FAM9A: variants seen among roughly 807,000 people sequenced by gnomAD.
FAM9A encodes family with sequence similarity 9 member A.
Under a neutral mutation model 25.0 loss-of-function variants are expected in FAM9A, and 49 were observed. The ratio of observed to expected loss-of-function variants is 1.96; its 90% CI spans 1.56 to 2.48. The LOEUF is 2.48. Among genes scored for constraint, FAM9A ranks in the 30% most tolerant of loss-of-function variants. FAM9A has a pLI of 0.00. For missense variants in FAM9A, 266 were observed against 249.3 expected, an observed-to-expected ratio of 1.07 and a Z score of -0.45; for synonymous variants, 80 against 85.1, an observed-to-expected ratio of 0.94 and a Z score of 0.33.
intron 7 of FAM9A, among the ~76,000 whole-genome samples, chrX:8,794,478 T>C (rs1196951675): frequency 2.7e-5 from 3 of 111,481 alleles, no homozygotes; most frequent in African/African-American, 9.8e-5. Flanking sequence ...TTGCCCATGG[T>C]TCCCGAGCTA....
At position 8,798,162 on chromosome X, in the gene FAM9A, C is replaced by A; in HGVS notation, c.361G>T (p.Glu121Ter). The A allele has an allele frequency of 8.3e-7, 1 of 1,204,847 alleles. No individual in the cohort carries two copies. The highest frequency in any genetic ancestry group is 1.1e-6 in the Non-Finnish European group (1 of 891,808). The change falls in exon 5 of 10, where the codon GAA becomes TAA. Residue 121 changes from glutamate (E) to a stop codon, truncating the protein, a stop_gained. Coordinates refer to ENST00000381003, the MANE Select transcript of FAM9A (RefSeq NM_174951.3). LOFTEE classifies it high-confidence loss of function. ...EHTGIHTMKL[E>*]HIAADIKKGL... ...TCCTAAAACATACCTGCAATATGTT[C>A]TAGCTTCATGGTATGAATCCTGTAA... is the stretch of plus-strand genomic sequence containing the variant.
chrX:8,796,481 G>A (rs1323013908), intron 5 of FAM9A, 99 bp from the exon 6 acceptor site: 2 of 524,500 alleles, frequency 3.8e-6, no homozygotes, highest in Non-Finnish European at 6.4e-6. Context: ...AGCAATATCG[G>A]AAGGACATTT....
chrX:8,795,284 C>A lies in FAM9A; in HGVS notation c.625G>T (p.Ala209Ser), dbSNP rs778307732. 1 of 1,199,463 alleles carries A rather than the reference C, an allele frequency of 8.3e-7. No individual in the cohort carries two copies. The highest frequency in any genetic ancestry group is 1.1e-6 in the Non-Finnish European group (1 of 890,323). Residue 209 changes from alanine to serine, a missense_variant, in exon 7 of 10, where the codon GCC becomes TCC. Coordinates refer to ENST00000381003, the MANE Select transcript of FAM9A (RefSeq NM_174951.3). ...ATTACTTCTGCTGCTGCTGCTGCGG[C>A]TTCTGCTGCTGCTGCGGCTTCTGCT... ...AAAEAAAAAE[A>S]AAAAAEVIVV...
rs772690794 is a variant in FAM9A, at chrX:8,791,425, T to C, written c.931-46A>G. 4 of 1,014,888 alleles carry C rather than the reference T, an allele frequency of 3.9e-6. No homozygotes were observed. The African/African-American group carries it at 5.7e-5, about 14-fold the overall frequency. 83.6% of individuals were successfully genotyped at this position (1,014,888 alleles called of 1,213,427 possible). ...CACTGACAAACCACCACTTTACATC[T>C]CACGTTTTAAACAGGGTTAATCAGA... On this transcript the variant is annotated intron_variant, in intron 8 of 9. Coordinates refer to ENST00000381003, the MANE Select transcript of FAM9A (RefSeq NM_174951.3).
intron 7 of FAM9A, among the ~76,000 whole-genome samples, 169 bp downstream of exon 7, chrX:8,794,909 G>C (rs1174225607): frequency 1.8e-5 from 2 of 111,757 alleles, no homozygotes; most frequent in African/African-American, 6.5e-5. Flanking sequence ...ACCTCAGTTG[G>C]ACCCCTAATG....
intron 2 of FAM9A, among the ~76,000 whole-genome samples, chrX:8,799,485 C>T (rs1167024285): frequency 9.1e-6 from 1 of 110,291 alleles, no homozygotes; most frequent in African/African-American, 3.3e-5. Context: ...GCCTGGATGC[C>T]CAGGTGACCC....
In FAM9A at chrX:8,800,195, A is replaced by T; in HGVS notation, c.-24T>A. ...ATGGTTGGCTGTCCTGGGAAGTTAG[A>T]GGCGATCCCTGAACCTGGTTGAGTG... On this transcript the variant is annotated 5_prime_UTR_variant, in exon 2 of 10. Coordinates refer to ENST00000381003, the MANE Select transcript of FAM9A (RefSeq NM_174951.3). 1 of 1,203,253 alleles carries T rather than the reference A, an allele frequency of 8.3e-7. No homozygotes were observed. The highest frequency in any genetic ancestry group is 1.1e-6 in the Non-Finnish European group (1 of 890,201).
Position 8,793,742 on chromosome X carries a change from T to C in FAM9A, c.846A>G (p.Glu282=). 8.3e-7 allele frequency: 1 copy of C among 1,206,609 alleles called. No homozygotes were observed. ...TAGGTTGTTGCCACCTCTTCTGTTT[T>C]TCTTGAAATGCTTTCTAGAAGCACA... is the stretch of plus-strand genomic sequence containing the variant. ...EEEEQIKAFQ[E]KQKRWQQPTG... Residue 282 remains glutamate (E), a synonymous_variant, in exon 8 of 10, where the codon GAA becomes GAG. Transcript: ENST00000381003.
At chrX:8,800,708 A>C (rs1413124762) in intron 1 of FAM9A, among the ~76,000 whole-genome samples, 35 of 31,673 alleles carry the variant, frequency 1.1e-3, no homozygotes, top group Admixed American at 1.6e-3. Flanking sequence ...CTCCCCACAC[A>C]CTCCGCCCCT....
intron 5 of FAM9A, 78 bp from the exon 6 acceptor site, chrX:8,796,460 T>TA: frequency 1.6e-6 from 1 of 618,011 alleles, no homozygotes; most frequent in Non-Finnish European, 2.6e-6. Flanking sequence ...CAACGTGAGA[T>TA]ATGATGGTTC....
rs780153798 is a variant in FAM9A at position 8,801,352 on chromosome X, C to A, written c.-80G>T. On this transcript the variant is annotated 5_prime_UTR_variant, in exon 1 of 10. Coordinates refer to ENST00000381003, the MANE Select transcript of FAM9A (RefSeq NM_174951.3). ...GCCGCTTCCTCACAGAACCTGCAGG[C>A]ACTGGCACCACGACGCTCTCTTAGA... The A allele has an allele frequency of 8.0e-5, 9 of 111,950 alleles. No individual in the cohort carries two copies. Among genetic ancestry groups the A allele is most frequent in the African/African-American group, 2.6e-4 (8 of 30,795 alleles). 9.2% of individuals were successfully genotyped at this position (111,950 alleles called of 1,213,427 possible).
At chrX:8,791,828 A>G (rs1933474011) in intron 8 of FAM9A, among the ~76,000 whole-genome samples, 1 of 112,182 alleles carries the variant, frequency 8.9e-6, no homozygotes, top group African/African-American at 3.2e-5. Flanking sequence ...TTTGAAATAT[A>G]TACTATTCCC....
Position 8,791,155 on chromosome X carries a change from T to C in FAM9A, c.*49A>G, listed in dbSNP as rs1933465739. ...AACAGAGGTTGAAGAGACAATGAAGTGCCAACTCTTCCAAAAGCTGTTTCA... is the reference window on the plus strand; with the variant it reads ...AACAGAGGTTGAAGAGACAATGAAGCGCCAACTCTTCCAAAAGCTGTTTCA... On this transcript the variant is annotated 3_prime_UTR_variant, in exon 10 of 10. Transcript: ENST00000381003. 4.6e-6 allele frequency: 2 copies of C among 432,431 alleles called. No individual in the cohort carries two copies. The highest frequency in any genetic ancestry group is 3.9e-5 in the East Asian group (1 of 25,582). The allele number at this position is 432,431 out of a possible 1,213,427, so 35.6% of individuals were successfully genotyped here.
intron 3 of FAM9A, 84 bp from the exon 4 acceptor site, chrX:8,798,563 G>C: frequency 8.6e-7 from 1 of 1,158,199 alleles, no homozygotes; most frequent in South Asian, 2.1e-5. Context: ...ATTATTTGTG[G>C]ACTTTTTTGG....
At chrX:8,800,329 G>A in intron 1 of FAM9A, 120 bp from the exon 2 acceptor site, 8 of 897,997 alleles carry the variant, frequency 8.9e-6, no homozygotes, top group Non-Finnish European at 1.2e-5. Flanking sequence ...TCCTGTGGGA[G>A]CAGGAGGGGT....
At chrX:8,797,560 G>C (rs986519413) in intron 5 of FAM9A, among the ~76,000 whole-genome samples, 4 of 111,236 alleles carry the variant, frequency 3.6e-5, no homozygotes, top group African/African-American at 1.3e-4. Context: ...GCTAAATTAG[G>C]AACATAAAAA....
intron 2 of FAM9A, 146 bp downstream of exon 2, chrX:8,799,935 A>G (rs1159960002): frequency 1.0e-5 from 6 of 588,517 alleles, no homozygotes; most frequent in Middle Eastern, 6.8e-4. Context: ...CCAGGCAACG[A>G]TGCCAGGGCC....
In FAM9A at chrX:8,795,354, C is replaced by T. The variant is rs760856092; in HGVS notation, c.555G>A (p.Lys185=). The change falls in exon 7 of 10, where the codon AAG becomes AAA. Residue 185 remains lysine (K), a synonymous_variant. Transcript: ENST00000381003. ...LNVLKEYIAE[K]QKDDEAEEAE... ...CTTCTTCTGCTTCATCATCTTTCTG[C>T]TTCTCTGCGATGTATTCTTTAAGGA... is the stretch of plus-strand genomic sequence containing the variant. 2.5e-6 allele frequency: 3 copies of T among 1,208,949 alleles called. No homozygotes were observed. Among genetic ancestry groups the T allele is most frequent in the South Asian group, 3.5e-5 (2 of 56,854 alleles).
chrX:8,791,379 C>A lies in FAM9A; in HGVS notation c.931G>T (p.Ala311Ser). ...TAATTGTCTTTAGTGTCCTTGGCAGCCTAAAAGAAAAAGTCTAGTTCACTG... is the reference window on the plus strand; with the variant it reads ...TAATTGTCTTTAGTGTCCTTGGCAGACTAAAAGAAAAAGTCTAGTTCACTG... ...MKPLLEQLLK[A>S]AKDTKDNYCI... Residue 311 changes from alanine to serine, a missense_variant and splice_region_variant, in exon 9 of 10, where the codon GCT (alanine) becomes TCT (serine). Coordinates refer to ENST00000381003, the MANE Select transcript of FAM9A (RefSeq NM_174951.3). The A allele has an allele frequency of 8.4e-7, 1 of 1,197,035 alleles. No individual in the cohort carries two copies. Among genetic ancestry groups the A allele is most frequent in the Non-Finnish European group, 1.1e-6 (1 of 887,875 alleles).
Sources: gnomAD v4.1 joint callset for allele counts (sites outside exome capture counted in the v4.1 genomes callset) on GRCh38, gnomAD v4.1.1 for gene constraint, MANE v1.5 for transcripts, NCBI Gene and HGNC (gene_info 2026-07-23, HGNC 2026-07-21) for gene names.